Variants in CAPZA1 observed in about 807,000 individuals in gnomAD.
CAPZA1 encodes capping actin protein of muscle Z-line subunit alpha 1, also known as F-actin-capping protein subunit alpha-1.
Under a neutral mutation model 40.8 loss-of-function variants are expected in CAPZA1, and 10 were observed. The ratio of observed to expected loss-of-function variants is 0.25; its 90% confidence interval spans 0.15 to 0.42. The LOEUF (loss-of-function observed/expected upper bound fraction) is 0.42, where lower values mean the gene tolerates loss of function less well. CAPZA1 is among the 10% of genes least tolerant of loss of function. The probability of loss-of-function intolerance (pLI) is 1.00; values close to 1 mark genes in which losing one functional copy is unlikely to be tolerated. For missense variants in CAPZA1, 277 were observed against 353.8 expected (o/e 0.78, Z 1.74); for synonymous variants, 98 against 115.0 (o/e 0.85, Z 0.95).
At chr1:112,644,941 A>G (rs979926644) in intron 1 of CAPZA1, among the ~76,000 whole-genome samples, 2 of 152,218 alleles carry the variant, frequency 1.3e-5, no homozygotes, top group African/African-American at 4.8e-5. Flanking sequence ...GAGTAGATTA[A>G]CTGGAGAATT....
chr1:112,640,664 G>A (rs1043328410), intron 1 of CAPZA1, among the ~76,000 whole-genome samples: 2 of 152,118 alleles, frequency 1.3e-5, no homozygotes, highest in Non-Finnish European at 2.9e-5. Context: ...CTGCCCGGCC[G>A]CCCCTGCTGG....
chr1:112,627,150 G>A (rs1670824573), intron 1 of CAPZA1, among the ~76,000 whole-genome samples: 2 of 152,230 alleles, frequency 1.3e-5, no homozygotes, highest in African/African-American at 4.8e-5. Context: ...ATAAATGGCA[G>A]AGTGGATACA....
intron 1 of CAPZA1, among the ~76,000 whole-genome samples, chr1:112,629,482 C>G (rs1670878979): frequency 1.3e-5 from 2 of 152,178 alleles, no homozygotes; most frequent in South Asian, 4.1e-4. Context: ...TAGTGAGTCA[C>G]CATTGCCTAA....
chr1:112,667,136 A>G lies in CAPZA1; in HGVS notation c.648A>G (p.Leu216=), dbSNP rs750354833. Residue 216 remains leucine (L), a synonymous_variant, in exon 8 of 10, where the codon CTA becomes CTG. Transcript: ENST00000263168. ...LVSHKDVQDS[L]TVSNEAQTAK... ...GTCATAAAGATGTACAGGATTCACT[A>G]ACTGTTTCGGTGAGTATGGAATATT... The G allele has an allele frequency of 1.2e-6, 2 of 1,605,654 alleles. No homozygotes were observed. Among genetic ancestry groups the G allele is most frequent in the African/African-American group, 2.7e-5 (2 of 74,772 alleles).
intron 1 of CAPZA1, among the ~76,000 whole-genome samples, chr1:112,637,970 T>C (rs1671054594): frequency 6.6e-6 from 1 of 152,226 alleles, no homozygotes; most frequent in Admixed American, 6.5e-5. Context: ...TTATTGACTC[T>C]TGCTCTATGA....
At chr1:112,659,148 A>T in intron 6 of CAPZA1, 47 bp downstream of exon 6, 1 of 1,280,470 alleles carries the variant, frequency 7.8e-7, no homozygotes, top group Non-Finnish European at 1.1e-6. Flanking sequence ...AGAAACCAGC[A>T]GTTGAGACTT....
At chr1:112,658,410 T>C (rs1311040156) in intron 5 of CAPZA1, among the ~76,000 whole-genome samples, 1 of 152,232 alleles carries the variant, frequency 6.6e-6, no homozygotes, top group Non-Finnish European at 1.5e-5. Context: ...CAACTCTTCC[T>C]TTCCATTCCC....
intron 1 of CAPZA1, among the ~76,000 whole-genome samples, chr1:112,628,018 G>T (rs1165193133): frequency 6.6e-6 from 1 of 151,914 alleles, no homozygotes; most frequent in African/African-American, 2.4e-5. Flanking sequence ...AAGAGTTCTA[G>T]TATTTATGCT....
intron 5 of CAPZA1, among the ~76,000 whole-genome samples, chr1:112,655,846 A>C (rs1049464009): frequency 6.6e-6 from 1 of 152,156 alleles, no homozygotes; most frequent in Non-Finnish European, 1.5e-5. Flanking sequence ...TACAGGCGTG[A>C]GCTGCTGCAC....
chr1:112,642,160 A>G (rs193213159), intron 1 of CAPZA1, among the ~76,000 whole-genome samples: 149 of 145,354 alleles, frequency 1.0e-3, no homozygotes, highest in African/African-American at 3.7e-3. Flanking sequence ...CTCATCCTCC[A>G]ATCCATCTCA....
At chr1:112,638,320 T>G (rs916471952) in intron 1 of CAPZA1, among the ~76,000 whole-genome samples, 1 of 151,804 alleles carries the variant, frequency 6.6e-6, no homozygotes, top group African/African-American at 2.4e-5. Flanking sequence ...GACTTTAGAT[T>G]TATTTATTTT....
chr1:112,657,338 C>G (rs1242522224), intron 5 of CAPZA1, among the ~76,000 whole-genome samples: 1 of 152,142 alleles, frequency 6.6e-6, no homozygotes, highest in African/African-American at 2.4e-5. Flanking sequence ...TCTCTCATCT[C>G]TCTCTGCATC....
intron 1 of CAPZA1, among the ~76,000 whole-genome samples, chr1:112,641,137 T>C (rs1045761133): frequency 6.6e-6 from 1 of 151,998 alleles, no homozygotes; most frequent in Non-Finnish European, 1.5e-5. Context: ...TGTTCACTTG[T>C]TTATCTGCTG....
chr1:112,625,042 C>T (rs954328016), intron 1 of CAPZA1, among the ~76,000 whole-genome samples: 19 of 152,156 alleles, frequency 1.2e-4, no homozygotes, highest in Non-Finnish European at 1.9e-4. Context: ...TTCATTAATT[C>T]TCATATCTCT....
In CAPZA1 at chr1:112,670,857, C is replaced by CATTT. The variant is rs1671816825; in HGVS notation, c.*726_*729dup. ...GTACCATTGTAGTTATAAACATCTG[C>CATTT]ATTTTTTAGAAGCATTTTACCCATT... On this transcript the variant is annotated 3_prime_UTR_variant, in exon 10 of 10. Transcript: ENST00000263168. 1 of 152,630 alleles carries CATTT rather than the reference C, an allele frequency of 6.6e-6. No individual in the cohort carries two copies. Among genetic ancestry groups the CATTT allele is most frequent in the South Asian group, 2.1e-4 (1 of 4,830 alleles). 9.5% of individuals were successfully genotyped at this position (152,630 alleles called of 1,614,324 possible).
intron 1 of CAPZA1, among the ~76,000 whole-genome samples, chr1:112,631,669 A>G (rs1168050489): frequency 6.6e-6 from 1 of 152,156 alleles, no homozygotes; most frequent in East Asian, 1.9e-4. Context: ...CAAACTTGAC[A>G]TCTACATCAT....
chr1:112,632,506 A>G (rs1670939770), intron 1 of CAPZA1, among the ~76,000 whole-genome samples: 1 of 152,086 alleles, frequency 6.6e-6, no homozygotes, highest in Admixed American at 6.5e-5. Flanking sequence ...TTGATCAGAT[A>G]TCAAGGGTGG....
At chr1:112,642,016 A>G in intron 1 of CAPZA1, among the ~76,000 whole-genome samples, 1 of 151,964 alleles carries the variant, frequency 6.6e-6, no homozygotes, top group East Asian at 1.9e-4. Flanking sequence ...ATAGAACAGG[A>G]ATTAGTGTGA....
chr1:112,655,377 T>C (rs1671475593), intron 5 of CAPZA1, among the ~76,000 whole-genome samples: 1 of 152,072 alleles, frequency 6.6e-6, no homozygotes, highest in Non-Finnish European at 1.5e-5. Context: ...CTCAGGAGGC[T>C]GAGGCACAAG....
Sources: gnomAD v4.1 joint callset for allele counts (sites outside exome capture counted in the v4.1 genomes callset) on GRCh38, gnomAD v4.1.1 for gene constraint, MANE v1.5 for transcripts, NCBI Gene and HGNC (gene_info 2026-07-23, HGNC 2026-07-21) for gene names.